PDE1C: variants seen among roughly 807,000 people sequenced by gnomAD.
The protein encoded by PDE1C is dual specificity calcium/calmodulin-dependent 3',5'-cyclic nucleotide phosphodiesterase 1C.
PDE1C carries 62 observed loss-of-function variants against 93.1 expected under a neutral mutation model. The ratio of observed to expected loss-of-function variants is 0.67; its 90% CI spans 0.54 to 0.82. PDE1C has a LOEUF of 0.82. Ranked by LOEUF, PDE1C falls within the 40% of genes least tolerant of loss-of-function variation. The probability of loss-of-function intolerance (pLI) is 0.00; values close to 1 mark genes in which losing one functional copy is unlikely to be tolerated. For synonymous variants in PDE1C, 325 were observed against 310.1 expected (o/e 1.05, Z -0.50); for missense variants, 742 against 884.6 (o/e 0.84, Z 2.04).
chr7:32,033,518 A>G (rs187071664), intron 2 of PDE1C, among the ~76,000 whole-genome samples: 1 of 152,286 alleles, frequency 6.6e-6, no homozygotes, highest in Admixed American at 6.5e-5. Context: ...TATTGCTGTT[A>G]TCTACTGCAA....
intron 1 of PDE1C, among the ~76,000 whole-genome samples, chr7:32,331,777 T>C (rs958605307): frequency 1.3e-5 from 2 of 152,208 alleles, no homozygotes; most frequent in Admixed American, 6.5e-5. Flanking sequence ...CTCCCAAGTT[T>C]GGGACTGAAC....
chr7:31,659,038 A>G, the PDE1C span, among the ~76,000 whole-genome samples: 1 of 152,176 alleles, frequency 6.6e-6, no homozygotes, highest in African/African-American at 2.4e-5. Context: ...CAGAGTCACA[A>G]GGTATCTACA....
At chr7:32,125,351 A>G (rs1451881775) in intron 3 of PDE1C, among the ~76,000 whole-genome samples, 2 of 152,228 alleles carry the variant, frequency 1.3e-5, no homozygotes, top group Non-Finnish European at 2.9e-5. Flanking sequence ...CATTTGACCC[A>G]GTAATCCCAT....
chr7:32,124,926 A>G (rs56122939), intron 3 of PDE1C, among the ~76,000 whole-genome samples: 30,891 of 152,164 alleles, frequency 0.2, 3,784 homozygotes, highest in Middle Eastern at 0.31. Flanking sequence ...TCATTAGAGT[A>G]AACAGGCAAC....
chr7:31,644,310 C>T, the PDE1C span, among the ~76,000 whole-genome samples: 14 of 152,204 alleles, frequency 9.2e-5, no homozygotes, highest in South Asian at 2.1e-4. Flanking sequence ...GTCTTAAATT[C>T]GTTTAGCTAT....
At chr7:31,845,470 C>A (rs966688465) in intron 9 of PDE1C, among the ~76,000 whole-genome samples, 1 of 151,856 alleles carries the variant, frequency 6.6e-6, no homozygotes, top group East Asian at 1.9e-4. Flanking sequence ...GTTCAGTAAG[C>A]AATACATCAG....
chr7:32,172,648 C>A (rs1022925134), intron 2 of PDE1C, among the ~76,000 whole-genome samples: 2 of 151,872 alleles, frequency 1.3e-5, no homozygotes, highest in African/African-American at 2.4e-5. Context: ...CATGGAGAAA[C>A]CCCATCTCTA....
chr7:32,102,916 T>A (rs993716918), intron 3 of PDE1C, among the ~76,000 whole-genome samples: 5 of 152,108 alleles, frequency 3.3e-5, no homozygotes, highest in Non-Finnish European at 7.4e-5. Flanking sequence ...GAAGCCAGAA[T>A]TGTGAGGCTT....
chr7:32,084,115 T>A (rs575302148), intron 3 of PDE1C, among the ~76,000 whole-genome samples: 3 of 152,032 alleles, frequency 2.0e-5, no homozygotes, highest in African/African-American at 7.3e-5. Flanking sequence ...CCATCTCACG[T>A]GCAGAGACAC....
At chr7:32,362,077 C>G (rs1191256938) in intron 1 of PDE1C, among the ~76,000 whole-genome samples, 1 of 152,090 alleles carries the variant, frequency 6.6e-6, no homozygotes, top group Non-Finnish European at 1.5e-5. Context: ...GTGGCAGGAG[C>G]ACAGAGGAGG....
chr7:32,078,562 G>C (rs1796482858), intron 3 of PDE1C, among the ~76,000 whole-genome samples: 1 of 152,132 alleles, frequency 6.6e-6, no homozygotes, highest in Non-Finnish European at 1.5e-5. Context: ...ATGGGTGTAA[G>C]AGGGTCAAGA....
chr7:31,845,675 T>A (rs762332647), intron 9 of PDE1C, among the ~76,000 whole-genome samples: 41 of 150,516 alleles, frequency 2.7e-4, no homozygotes, highest in Non-Finnish European at 4.4e-4. Context: ...ATAAAAAAAA[T>A]TTTTAAAAAG....
At chr7:31,655,542 G>A in the PDE1C span, among the ~76,000 whole-genome samples, 2 of 152,158 alleles carry the variant, frequency 1.3e-5, no homozygotes, top group African/African-American at 2.4e-5. Context: ...GCCAGAGAAT[G>A]AGAGAGAAAT....
At chr7:32,310,807 T>C (rs1783010667) in intron 1 of PDE1C, among the ~76,000 whole-genome samples, 1 of 151,388 alleles carries the variant, frequency 6.6e-6, no homozygotes, top group Non-Finnish European at 1.5e-5. Flanking sequence ...GCAGGAAAGA[T>C]CCAAAATTGA....
chr7:31,807,659 G>C lies in PDE1C; in HGVS notation c.1891+1372C>G, dbSNP rs1490285937. On this transcript the variant is annotated intron_variant, in intron 16 of 17. Coordinates refer to ENST00000396191, the MANE Select transcript of PDE1C (RefSeq NM_001191057.4). ...AACAGGAAGCTGTGGGCCAATAGTTGGATACAGGATGGAGAAAGTGTCTGG... is the reference window on the plus strand; with the variant it reads ...AACAGGAAGCTGTGGGCCAATAGTTCGATACAGGATGGAGAAAGTGTCTGG... Among the ~76,000 whole-genome samples, 4 of 151,996 alleles carry C rather than the reference G, an allele frequency of 2.6e-5. No homozygotes were observed. In the East Asian group the frequency reaches 7.8e-4, roughly 30 times the overall value.
intron 1 of PDE1C, among the ~76,000 whole-genome samples, chr7:32,220,805 G>A (rs904842437): frequency 2.6e-5 from 4 of 152,216 alleles, no homozygotes; most frequent in East Asian, 1.9e-4. Context: ...GCGACAGAGC[G>A]AGACTCCATC....
intron 2 of PDE1C, among the ~76,000 whole-genome samples, chr7:31,950,197 C>G (rs909863756): frequency 7.2e-5 from 11 of 152,160 alleles, no homozygotes; most frequent in African/African-American, 2.4e-4. Context: ...TATCAAAACT[C>G]TTTACGTGGC....
the PDE1C span, chr7:31,695,499 G>A: frequency 9.9e-6 from 16 of 1,612,912 alleles, no homozygotes; most frequent in Non-Finnish European, 1.4e-5. Context: ...ATTAAGGACT[G>A]TGATCTCAAA....
chr7:31,730,865 G>T, the PDE1C span, among the ~76,000 whole-genome samples: 1 of 152,034 alleles, frequency 6.6e-6, no homozygotes, highest in Admixed American at 6.6e-5. Context: ...CTGAAAAAAG[G>T]GTTTGAAGGA....
Sources: allele counts gnomAD v4.1 joint callset (sites outside exome capture counted in the v4.1 genomes callset), GRCh38; gene constraint gnomAD v4.1.1; transcripts MANE v1.5; gene names NCBI Gene and HGNC (gene_info 2026-07-23, HGNC 2026-07-21).